PARM1: variants seen among roughly 807,000 people sequenced by gnomAD.
PARM1 encodes the protein prostate androgen-regulated mucin-like protein 1.
PARM1 carries 14 observed loss-of-function variants against 24.6 expected under a neutral mutation model. The observed-to-expected ratio is 0.57, with a 90% CI of 0.38 to 0.89. The LOEUF is 0.89. Ranked by LOEUF, PARM1 falls within the 40% of genes least tolerant of loss-of-function variation. The pLI is 0.00. For missense variants in PARM1, 362 were observed against 380.4 expected (o/e 0.95, Z 0.40); for synonymous variants, 179 against 156.6 (o/e 1.14, Z -1.07).
intron 1 of PARM1, among the ~76,000 whole-genome samples, chr4:74,991,646 A>T (rs977050258): frequency 6.6e-6 from 1 of 152,150 alleles, no homozygotes; most frequent in Non-Finnish European, 1.5e-5. Flanking sequence ...GTAATTCAAG[A>T]CTGGAAATAA....
In PARM1 at chr4:75,012,921, T is replaced by A. The variant is rs1258161840; in HGVS notation, c.540T>A (p.Thr180=). ...CCGTTACTACCAACCATAGCTCCAC[T>A]GTGACCAGCACCCAACCCACTGGAG... The part of the protein sequence containing the change: ...SASVTTNHSS[T]VTSTQPTGAP... Residue 180 remains threonine, a synonymous_variant, in exon 2 of 4, where the codon ACT becomes ACA. Coordinates refer to ENST00000307428, the MANE Select transcript of PARM1 (RefSeq NM_015393.4). The A allele has an allele frequency of 1.9e-6, 3 of 1,614,000 alleles. No individual in the cohort carries two copies. The highest frequency in any genetic ancestry group is 2.2e-5 in the South Asian group (2 of 91,088).
At chr4:74,979,840 C>T (rs113447693) in intron 1 of PARM1, among the ~76,000 whole-genome samples, 8,275 of 152,144 alleles carry the variant, frequency 0.054, 243 homozygotes, top group Middle Eastern at 0.092. Flanking sequence ...GTTAAGTCAT[C>T]GCATAAAGAG....
chr4:75,010,111 A>G (rs967096169), intron 1 of PARM1, among the ~76,000 whole-genome samples: 4 of 152,244 alleles, frequency 2.6e-5, no homozygotes, highest in African/African-American at 4.8e-5. Flanking sequence ...CCAAGTATCT[A>G]TCAGTGTATG....
intron 1 of PARM1, chr4:74,966,853 G>A (rs184383226): frequency 1.1e-4 from 16 of 152,246 alleles, no homozygotes; most frequent in Admixed American, 2.0e-4. Flanking sequence ...TTGGCATTAC[G>A]GGTGTTGATG....
chr4:74,988,059 G>A (rs1324028135), intron 1 of PARM1, among the ~76,000 whole-genome samples: 1 of 152,198 alleles, frequency 6.6e-6, no homozygotes. Context: ...AGAGATGGCT[G>A]TGTATGTAGG....
At chr4:74,955,689 T>A (rs1288739262) in intron 1 of PARM1, among the ~76,000 whole-genome samples, 2 of 152,218 alleles carry the variant, frequency 1.3e-5, no homozygotes, top group Non-Finnish European at 2.9e-5. Context: ...CGATCACTCT[T>A]GCATGAATTC....
At chr4:74,940,557 C>A (rs1468825328) in intron 1 of PARM1, among the ~76,000 whole-genome samples, 2 of 152,142 alleles carry the variant, frequency 1.3e-5, no homozygotes, top group Non-Finnish European at 2.9e-5. Context: ...CTAACCACTT[C>A]CTAAAGACCC....
chr4:74,963,744 G>T (rs79909902), intron 1 of PARM1, among the ~76,000 whole-genome samples: 2 of 152,200 alleles, frequency 1.3e-5, no homozygotes, highest in Middle Eastern at 3.4e-3. Context: ...ATGGTTGAAC[G>T]ACATTGTGAA....
At chr4:75,020,469 T>C (rs1462064129) in intron 2 of PARM1, among the ~76,000 whole-genome samples, 4 of 150,072 alleles carry the variant, frequency 2.7e-5, no homozygotes. Context: ...CCCACCGCAA[T>C]AGCCTCTCAA....
intron 1 of PARM1, among the ~76,000 whole-genome samples, chr4:74,939,179 G>C (rs1030775897): frequency 4.6e-5 from 7 of 152,096 alleles, no homozygotes; most frequent in African/African-American, 1.7e-4. Context: ...TTTGATACAG[G>C]ATTAGCTTTA....
Position 75,046,413 on chromosome 4 carries a change from C to T in PARM1, c.*166C>T, listed in dbSNP as rs776484605. ...CTCTCCTCTGGCTGCTACAACTTCC[C>T]CTTTCTGGTACAAGAAGAACCATTC... On this transcript the variant is annotated 3_prime_UTR_variant, in exon 4 of 4. Transcript: ENST00000307428. The T allele has an allele frequency of 1.1e-4, 58 of 538,258 alleles. No homozygotes were observed. The highest frequency in any genetic ancestry group is 1.7e-4 in the Non-Finnish European group (52 of 298,118). 33.3% of individuals were successfully genotyped at this position (538,258 alleles called of 1,614,324 possible). A position where few individuals can be genotyped will look rare whatever the true frequency, so the allele number is the denominator to read the frequency against.
intron 1 of PARM1, among the ~76,000 whole-genome samples, chr4:74,991,585 T>C (rs1280030847): frequency 1.3e-5 from 2 of 152,190 alleles, no homozygotes; most frequent in East Asian, 1.9e-4. Context: ...GATGAGCGCA[T>C]ACTTATGTAG....
At chr4:75,019,636 G>A (rs1723050672) in intron 2 of PARM1, among the ~76,000 whole-genome samples, 1 of 152,176 alleles carries the variant, frequency 6.6e-6, no homozygotes. Flanking sequence ...AGCTCTACAA[G>A]ACACCCATAA....
intron 1 of PARM1, chr4:74,965,178 G>A (rs1329207609): frequency 1.3e-5 from 2 of 152,192 alleles, no homozygotes; most frequent in African/African-American, 4.8e-5. Context: ...AAATTGTGGA[G>A]TAAAAATGTT....
rs559482316 is a variant in PARM1 at position 75,033,813 on chromosome 4, C to T, written c.770-70C>T. On this transcript the variant is annotated intron_variant, in intron 2 of 3. Transcript: ENST00000307428. ...GGGATCAGGCAGAAGGTGGATACTACGCACGCCAAAGTCACATGATGCCCC... is the reference window on the plus strand; with the variant it reads ...GGGATCAGGCAGAAGGTGGATACTATGCACGCCAAAGTCACATGATGCCCC... The T allele has an allele frequency of 1.3e-5, 16 of 1,252,366 alleles. No homozygotes were observed. In the African/African-American group the frequency reaches 2.0e-4, roughly 15 times the overall value. 77.6% of individuals were successfully genotyped at this position (1,252,366 alleles called of 1,614,324 possible). A position where few individuals can be genotyped will look rare whatever the true frequency, so the allele number is the denominator to read the frequency against.
At chr4:75,006,652 A>C (rs1447492352) in intron 1 of PARM1, among the ~76,000 whole-genome samples, 1 of 152,236 alleles carries the variant, frequency 6.6e-6, no homozygotes, top group East Asian at 1.9e-4. Flanking sequence ...CTTTGGGTAC[A>C]TACCCAGTAA....
intron 1 of PARM1, among the ~76,000 whole-genome samples, chr4:75,002,770 G>A (rs1227161005): frequency 6.6e-6 from 1 of 152,192 alleles, no homozygotes; most frequent in African/African-American, 2.4e-5. Context: ...GTCCAGGTCA[G>A]TCTCCATCTT....
At chr4:74,960,852 C>CA (rs60838371) in intron 1 of PARM1, among the ~76,000 whole-genome samples, 2,672 of 142,046 alleles carry the variant, frequency 0.019, 25 homozygotes, top group Middle Eastern at 0.035. Context: ...ACTAAAAATA[C>CA]AAAAAAAAAA....
At chr4:75,004,993 C>T (rs1289566672) in intron 1 of PARM1, among the ~76,000 whole-genome samples, 1 of 152,226 alleles carries the variant, frequency 6.6e-6, no homozygotes, top group Non-Finnish European at 1.5e-5. Flanking sequence ...GTCTTATCAT[C>T]TGTGAAACCG....
Sources: allele counts gnomAD v4.1 joint callset (sites outside exome capture counted in the v4.1 genomes callset), GRCh38; gene constraint gnomAD v4.1.1; transcripts MANE v1.5; gene names NCBI Gene and HGNC (gene_info 2026-07-23, HGNC 2026-07-21).